Variants in MEGF11 observed in about 807,000 individuals in gnomAD.
MEGF11 encodes the protein multiple epidermal growth factor-like domains protein 11.
A neutral mutation model predicts 146.6 loss-of-function variants in MEGF11; 126 were observed. The observed-to-expected ratio is 0.86, with a 90% CI of 0.74 to 1.00. MEGF11 has a LOEUF of 1.00. Ranked by LOEUF, MEGF11 falls within the 50% of genes least tolerant of loss-of-function variation. The probability of loss-of-function intolerance (pLI) is 0.00; values close to 1 mark genes in which losing one functional copy is unlikely to be tolerated. For missense variants in MEGF11, 1,509 were observed against 1,521.2 expected (o/e 0.99, Z 0.13); for synonymous variants, 532 against 583.4 (o/e 0.91, Z 1.27).
At chr15:66,236,101 G>A (rs1393392198) in intron 1 of MEGF11, among the ~76,000 whole-genome samples, 1 of 152,170 alleles carries the variant, frequency 6.6e-6, no homozygotes, top group Non-Finnish European at 1.5e-5. Context: ...GAATTGTGGA[G>A]GATGAGTAAG....
intron 4 of MEGF11, among the ~76,000 whole-genome samples, chr15:66,107,415 G>GA (rs2087146002): frequency 6.6e-6 from 1 of 152,176 alleles, no homozygotes; most frequent in South Asian, 2.1e-4. Context: ...GAGGGAGGAA[G>GA]GCGCTCAGCA....
intron 1 of MEGF11, among the ~76,000 whole-genome samples, chr15:66,131,654 G>A (rs2088650958): frequency 6.6e-6 from 1 of 152,214 alleles, no homozygotes; most frequent in Non-Finnish European, 1.5e-5. Context: ...TGGAACACTA[G>A]TCCCATGAGA....
chr15:66,110,061 C>G (rs144294974), intron 4 of MEGF11, among the ~76,000 whole-genome samples: 1 of 152,172 alleles, frequency 6.6e-6, no homozygotes, highest in East Asian at 1.9e-4. Flanking sequence ...ATGGTGGGTA[C>G]AGAGTACTTG....
At chr15:66,060,697 C>A (rs895064949) in intron 5 of MEGF11, among the ~76,000 whole-genome samples, 2 of 152,256 alleles carry the variant, frequency 1.3e-5, no homozygotes, top group Non-Finnish European at 2.9e-5. Context: ...GTCCCTCTCT[C>A]TAGACTGTGA....
Position 66,094,401 on chromosome 15 carries a change from C to T in MEGF11, c.394+1G>A. The stretch of plus-strand genomic sequence containing the variant: ...TCCTGACCCCCAAACCCCAGACTCA[C>T]CGCTGGAGCAGTCGGGCCCTCCCCA... On this transcript the variant is annotated splice_donor_variant, in intron 5 of 25. Coordinates refer to ENST00000395614, the MANE Select transcript of MEGF11 (RefSeq NM_001385028.1). LOFTEE classifies it high-confidence loss of function. 6.4e-7 allele frequency: 1 copy of T among 1,555,194 alleles called. No homozygotes were observed. The highest frequency in any genetic ancestry group is 8.7e-7 in the Non-Finnish European group (1 of 1,148,734).
chr15:66,077,464 C>T (rs1302068970), intron 5 of MEGF11, among the ~76,000 whole-genome samples: 2 of 152,216 alleles, frequency 1.3e-5, no homozygotes, highest in Non-Finnish European at 2.9e-5. Context: ...TGGAAGATCA[C>T]GTGATATGGC....
intron 6 of MEGF11, among the ~76,000 whole-genome samples, chr15:65,981,864 G>A (rs1176451988): frequency 6.6e-6 from 1 of 152,134 alleles, no homozygotes; most frequent in Non-Finnish European, 1.5e-5. Context: ...GCATCATTTG[G>A]GTAAGGTCAG....
intron 5 of MEGF11, among the ~76,000 whole-genome samples, chr15:66,083,532 C>G (rs2085982121): frequency 6.6e-6 from 1 of 151,918 alleles, no homozygotes. Flanking sequence ...TCAGAAGAAA[C>G]CACAGGGGTA....
intron 9 of MEGF11, among the ~76,000 whole-genome samples, chr15:65,963,974 A>C (rs1735391542): frequency 6.6e-6 from 1 of 152,228 alleles, no homozygotes; most frequent in South Asian, 2.1e-4. Context: ...CTGCCCTGCC[A>C]ACAGCAGCAG....
intron 5 of MEGF11, among the ~76,000 whole-genome samples, chr15:65,991,059 T>G (rs190633894): frequency 2.6e-5 from 4 of 152,352 alleles, no homozygotes; most frequent in Non-Finnish European, 1.5e-5. Flanking sequence ...ATTATAATGA[T>G]GTATCATTAG....
Position 66,060,240 on chromosome 15 carries a change from C to G in MEGF11, c.394+34162G>C, listed in dbSNP as rs140779430. Among the ~76,000 whole-genome samples the G allele has an allele frequency of 4.2e-3, 637 of 152,140 alleles. 5 individuals are homozygous for G. Among genetic ancestry groups the G allele is most frequent in the African/African-American group, 0.015 (615 of 41,492 alleles). On this transcript the variant is annotated intron_variant, in intron 5 of 25. Coordinates refer to ENST00000395614, the MANE Select transcript of MEGF11 (RefSeq NM_001385028.1). ...GGCAGGGAGGTGGAGGACAGAGAGACAGAGACACGGCAAAAGCTGCCCCAG... is the reference window on the plus strand; with the variant it reads ...GGCAGGGAGGTGGAGGACAGAGAGAGAGAGACACGGCAAAAGCTGCCCCAG...
chr15:66,038,753 C>T (rs2083827462), intron 5 of MEGF11, among the ~76,000 whole-genome samples: 1 of 152,162 alleles, frequency 6.6e-6, no homozygotes, highest in Non-Finnish European at 1.5e-5. Flanking sequence ...GTTCTTCCCA[C>T]CTTATAATGC....
chr15:66,085,349 C>T (rs1454087320), intron 5 of MEGF11, among the ~76,000 whole-genome samples: 3 of 152,208 alleles, frequency 2.0e-5, no homozygotes, highest in African/African-American at 7.2e-5. Context: ...GAAAGCGCCA[C>T]CTCCTGGCAA....
chr15:66,183,074 G>A (rs1490658288), intron 1 of MEGF11, among the ~76,000 whole-genome samples: 2 of 152,186 alleles, frequency 1.3e-5, no homozygotes, highest in African/African-American at 4.8e-5. Flanking sequence ...ACAATAAAAT[G>A]TATGTTAATT....
chr15:66,198,764 G>A (rs941731650), intron 1 of MEGF11, among the ~76,000 whole-genome samples: 1 of 152,126 alleles, frequency 6.6e-6, no homozygotes, highest in African/African-American at 2.4e-5. Flanking sequence ...GATTACTGGT[G>A]TGAGCCACCG....
At chr15:66,014,991 G>A (rs2082837599) in intron 5 of MEGF11, among the ~76,000 whole-genome samples, 1 of 151,936 alleles carries the variant, frequency 6.6e-6, no homozygotes, top group Non-Finnish European at 1.5e-5. Flanking sequence ...CTGATTTGTA[G>A]CATTTGCCAA....
At chr15:65,997,256 G>A (rs1402911964) in intron 5 of MEGF11, among the ~76,000 whole-genome samples, 5 of 152,200 alleles carry the variant, frequency 3.3e-5, no homozygotes, top group Admixed American at 6.5e-5. Context: ...GGGACTGGAT[G>A]CTCCTGGGAT....
intron 1 of MEGF11, among the ~76,000 whole-genome samples, chr15:66,133,048 C>T (rs2088721083): frequency 6.6e-6 from 1 of 152,210 alleles, no homozygotes; most frequent in South Asian, 2.1e-4. Flanking sequence ...AGCCACATTG[C>T]TTGTGTCTGG....
chr15:66,078,815 C>T (rs1423627909), intron 5 of MEGF11, among the ~76,000 whole-genome samples: 7 of 152,342 alleles, frequency 4.6e-5, no homozygotes, highest in East Asian at 1.9e-4. Flanking sequence ...CTCCACTGCC[C>T]GCCTCTTGCC....
Sources: gnomAD v4.1 joint callset for allele counts (sites outside exome capture counted in the v4.1 genomes callset) on GRCh38, gnomAD v4.1.1 for gene constraint, MANE v1.5 for transcripts, NCBI Gene and HGNC (gene_info 2026-07-23, HGNC 2026-07-21) for gene names.